The following KDM7A variants were observed in gnomAD, a reference collection of about 807,000 sequenced individuals.
KDM7A encodes the protein lysine-specific demethylase 7A.
In KDM7A, 28 loss-of-function variants were observed where a neutral mutation model predicts 114.8. That is an observed-to-expected ratio of 0.24 (90% confidence interval 0.18 to 0.33). The LOEUF (loss-of-function observed/expected upper bound fraction) is 0.33, where lower values mean the gene tolerates loss of function less well. KDM7A is among the 10% of genes least tolerant of loss of function. KDM7A has a pLI of 1.00. For synonymous variants in KDM7A, 423 were observed against 397.8 expected (o/e 1.06, Z -0.75); for missense variants, 942 against 1,142.5 (o/e 0.82, Z 2.53).
intron 1 of KDM7A, among the ~76,000 whole-genome samples, chr7:140,175,318 G>T (rs944900364): frequency 1.1e-4 from 16 of 152,304 alleles, no homozygotes; most frequent in Admixed American, 4.6e-4. Flanking sequence ...ACCAGTAGAG[G>T]GAGACTAAGA....
At chr7:140,129,144 A>G (rs1460283564) in intron 4 of KDM7A, among the ~76,000 whole-genome samples, 1 of 152,196 alleles carries the variant, frequency 6.6e-6, no homozygotes, top group Non-Finnish European at 1.5e-5. Context: ...TTGCACCTGT[A>G]TTCTACAGAT....
rs1025493446 is a variant in KDM7A at position 140,176,189 on chromosome 7, G to A, written c.194+555C>T. On this transcript the variant is annotated intron_variant, in intron 1 of 19. Transcript: ENST00000397560. This position sits in a 1 kb window ranked among gnomAD's most constrained non-coding sequence, Gnocchi z 4.4. ...CGCTGCCCCCGTCCCACTGGCCCAG[G>A]AAGTTTGATAAAGACGGGGAAGGGG... Among the ~76,000 whole-genome samples, 7 of 151,796 alleles carry A rather than the reference G, an allele frequency of 4.6e-5. No homozygotes were observed. The highest frequency in any genetic ancestry group is 2.0e-4 in the East Asian group (1 of 5,110).
At chr7:140,136,970 G>A (rs1224678954) in intron 2 of KDM7A, among the ~76,000 whole-genome samples, 4 of 150,468 alleles carry the variant, frequency 2.7e-5, no homozygotes, top group Admixed American at 2.0e-4. Flanking sequence ...CTGGGCGACA[G>A]CACAAGACTC....
chr7:140,155,976 T>C (rs1364424057), intron 1 of KDM7A, among the ~76,000 whole-genome samples: 10 of 152,230 alleles, frequency 6.6e-5, no homozygotes, highest in Admixed American at 6.5e-4. Context: ...TCCCCAACGA[T>C]GGTAAAGTGG....
In KDM7A at chr7:140,176,895, C is replaced by T. The variant is rs752528750; in HGVS notation, c.43G>A (p.Gly15Arg). Residue 15 changes from glycine (G) to arginine (R), a missense_variant, in exon 1 of 20, where the codon GGA (glycine) becomes AGA (arginine). Gly to Arg is a moderately radical substitution (Grantham distance 125). Coordinates refer to ENST00000397560, the MANE Select transcript of KDM7A (RefSeq NM_030647.2). This position sits in a 1 kb window ranked among gnomAD's most constrained non-coding sequence, Gnocchi z 4.4. ...ACCGACACGGCTGCCGCGGCGGCTC[C>T]AGCTGCTGCTCCCGCGGCCACCGCC... ...AAAVAAGAAA[G>R]AAAAAVSVAA... The T allele has an allele frequency of 9.2e-6, 11 of 1,190,388 alleles. No homozygotes were observed. The highest frequency in any genetic ancestry group is 2.7e-4 in the Middle Eastern group (1 of 3,762). The allele number at this position is 1,190,388 out of a possible 1,614,324, so 73.7% of individuals were successfully genotyped here. A position where few individuals can be genotyped will look rare whatever the true frequency, so the allele number is the denominator to read the frequency against.
At chr7:140,092,255 G>A in intron 18 of KDM7A, 178 bp from the exon 19 acceptor site, 1 of 619,472 alleles carries the variant, frequency 1.6e-6, no homozygotes, top group Non-Finnish European at 2.8e-6. Flanking sequence ...TAGCTCTGAA[G>A]GACTCGGGTC....
chr7:140,129,477 G>A lies in KDM7A; in HGVS notation c.559+16C>T, dbSNP rs774241753. ...TACCATGTTTTCCCAGGTACTTAAA[G>A]AAATAAAGTTCGTACCTACATAACG... On this transcript the variant is annotated intron_variant, in intron 4 of 19. Transcript: ENST00000397560. 1.9e-6 allele frequency: 3 copies of A among 1,600,468 alleles called. No individual in the cohort carries two copies. In the Admixed American group the frequency reaches 5.1e-5, roughly 27 times the overall value.
At chr7:140,109,924 T>C (rs1417756098) in intron 11 of KDM7A, among the ~76,000 whole-genome samples, 1 of 152,220 alleles carries the variant, frequency 6.6e-6, no homozygotes, top group African/African-American at 2.4e-5. Flanking sequence ...CTAATAATTT[T>C]ATATTTTTCT....
At chr7:140,139,735 A>T (rs1794240148) in intron 1 of KDM7A, among the ~76,000 whole-genome samples, 1 of 152,210 alleles carries the variant, frequency 6.6e-6, no homozygotes, top group South Asian at 2.1e-4. Flanking sequence ...CAATGACATA[A>T]AAAACACGTA....
chr7:140,145,908 GA>G (rs1340525912), intron 1 of KDM7A, among the ~76,000 whole-genome samples: 1 of 152,006 alleles, frequency 6.6e-6, no homozygotes, highest in Non-Finnish European at 1.5e-5. Flanking sequence ...GAGGGTTAGG[GA>G]AAAAAGGGGA....
chr7:140,154,970 A>G (rs1794442626), intron 1 of KDM7A, among the ~76,000 whole-genome samples: 1 of 152,228 alleles, frequency 6.6e-6, no homozygotes, highest in Admixed American at 6.5e-5. Context: ...CCAAGTGTAT[A>G]GTAAAACCAC....
In KDM7A at chr7:140,129,785, C is replaced by G. The variant is rs76554451; in HGVS notation, c.399-132G>C. ...GGTTCTTAACCTATCACTTCTCATT[C>G]TTTTAATGACAAATGTTTTGTAAAT... On this transcript the variant is annotated intron_variant, in intron 3 of 19. Coordinates refer to ENST00000397560, the MANE Select transcript of KDM7A (RefSeq NM_030647.2). The G allele has an allele frequency of 8.0e-4, 478 of 597,596 alleles. 3 individuals are homozygous for G. Among genetic ancestry groups the G allele is most frequent in the African/African-American group, 7.7e-3 (413 of 53,894 alleles). 37.0% of individuals were successfully genotyped at this position (597,596 alleles called of 1,614,324 possible).
chr7:140,143,253 GAA>G (rs1794305864), intron 1 of KDM7A, among the ~76,000 whole-genome samples: 1 of 151,620 alleles, frequency 6.6e-6, no homozygotes, highest in South Asian at 2.1e-4. Flanking sequence ...CAAAACTAGG[GAA>G]AGCCGAAGTA....
intron 2 of KDM7A, among the ~76,000 whole-genome samples, chr7:140,137,901 G>A (rs1818896410): frequency 6.6e-6 from 1 of 152,154 alleles, no homozygotes; most frequent in Non-Finnish European, 1.5e-5. Flanking sequence ...GGTCATATAA[G>A]TTACCTAAAA....
rs1379812022 is a variant in KDM7A, at chr7:140,167,683, C to G, written c.194+9061G>C. Among the ~76,000 whole-genome samples the G allele has an allele frequency of 4.0e-5, 6 of 151,554 alleles. No homozygotes were observed. The South Asian group carries it at 8.4e-4, about 21-fold the overall frequency. On this transcript the variant is annotated intron_variant, in intron 1 of 19. Transcript: ENST00000397560. ...ACCACACAAGTATTAGAAAAAAACA[C>G]AGGAAAAAATTCTCTTTACCTTGAG...
At chr7:140,094,188 T>G in intron 17 of KDM7A, 50 bp from the exon 18 acceptor site, 3 of 1,122,562 alleles carry the variant, frequency 2.7e-6, no homozygotes, top group Middle Eastern at 4.0e-4. Flanking sequence ...TGATTTGAAA[T>G]GACAAAATTA....
intron 11 of KDM7A, among the ~76,000 whole-genome samples, chr7:140,105,150 C>A (rs1818308704): frequency 6.6e-6 from 1 of 152,150 alleles, no homozygotes; most frequent in Non-Finnish European, 1.5e-5. Flanking sequence ...TATCCTGAGA[C>A]TTTGCTGAAG....
intron 1 of KDM7A, among the ~76,000 whole-genome samples, chr7:140,169,346 T>C (rs1794613266): frequency 6.6e-6 from 1 of 152,194 alleles, no homozygotes; most frequent in South Asian, 2.1e-4. Flanking sequence ...AATCAACCAA[T>C]GCTCACTTTT....
chr7:140,096,980 T>G lies in KDM7A; in HGVS notation c.2084A>C (p.Asn695Thr). 6.2e-7 allele frequency: 1 copy of G among 1,613,018 alleles called. No individual in the cohort carries two copies. The highest frequency in any genetic ancestry group is 8.5e-7 in the Non-Finnish European group (1 of 1,179,066). The change falls in exon 16 of 20, where the codon AAC (asparagine) becomes ACC (threonine). Residue 695 changes from asparagine (N) to threonine (T), a missense_variant. This residue lies in a region of KDM7A where 512 missense variants were observed against 576.6 expected (regional missense o/e 0.89). Coordinates refer to ENST00000397560, the MANE Select transcript of KDM7A (RefSeq NM_030647.2). ...CATCACATTAGATTCCTCCTTAAAG[T>G]TGGATGTTATTTCTTGTTTCTTTTC... ...GDEKKQEITSNFKEESNVMRN... is the reference protein window; with the variant it reads ...GDEKKQEITSTFKEESNVMRN...
Sources: allele counts gnomAD v4.1 joint callset (sites outside exome capture counted in the v4.1 genomes callset), GRCh38; gene constraint gnomAD v4.1.1; regional missense constraint gnomAD v4.1.1; non-coding constraint Gnocchi (gnomAD v3.1); transcripts MANE v1.5; gene names NCBI Gene and HGNC (gene_info 2026-07-23, HGNC 2026-07-21).